CDH19: variants seen among roughly 807,000 people sequenced by gnomAD.
The protein encoded by CDH19 is cadherin-19.
A neutral mutation model predicts 64.2 loss-of-function variants in CDH19; 67 were observed. The observed-to-expected ratio is 1.04, with a 90% CI of 0.86 to 1.28. CDH19 has a LOEUF of 1.28. CDH19 is among the 50% of genes most tolerant of loss of function. The probability of loss-of-function intolerance (pLI) is 0.00; values close to 1 mark genes in which losing one functional copy is unlikely to be tolerated. For synonymous variants in CDH19, 346 were observed against 319.3 expected, an observed-to-expected ratio of 1.08 and a Z score of -0.89; for missense variants, 1,030 against 929.0, an observed-to-expected ratio of 1.11 and a Z score of -1.41.
chr18:66,529,843 A>G lies in CDH19; in HGVS notation c.1458+2T>C, dbSNP rs766808636. On this transcript the variant is annotated splice_donor_variant, in intron 9 of 11. Transcript: ENST00000262150. LOFTEE classifies it high-confidence loss of function. ...ACTTTGTAATTTATAATGAGTCCTTACCTGACCAGAGCCTGCATTTTCACA... is the reference window on the plus strand; with the variant it reads ...ACTTTGTAATTTATAATGAGTCCTTGCCTGACCAGAGCCTGCATTTTCACA... 6 of 1,586,526 alleles carry G rather than the reference A, an allele frequency of 3.8e-6. No homozygotes were observed. Among genetic ancestry groups the G allele is most frequent in the Middle Eastern group, 1.7e-4 (1 of 6,000 alleles).
chr18:66,565,095 A>G (rs1987861176), intron 3 of CDH19, among the ~76,000 whole-genome samples: 1 of 151,730 alleles, frequency 6.6e-6, no homozygotes, highest in Non-Finnish European at 1.5e-5. Flanking sequence ...ATCCTTCCAA[A>G]TCTCAGTCAC....
chr18:66,553,077 G>A (rs1444506375), intron 4 of CDH19, among the ~76,000 whole-genome samples: 1 of 134,172 alleles, frequency 7.5e-6, no homozygotes, highest in Admixed American at 7.2e-5. Context: ...AACCTGACTT[G>A]TTTTCTCCCA....
rs185354914 is a variant in CDH19 at position 66,564,015 on chromosome 18, T to C, written c.490+4401A>G. Among the ~76,000 whole-genome samples the C allele has an allele frequency of 3.8e-4, 57 of 151,990 alleles. 1 individual carries two copies. The highest frequency in any genetic ancestry group is 3.4e-3 in the Middle Eastern group (1 of 294). ...CAGTCTCAGTCATGTTCAACTCATG[T>C]TCCCAAAGGCAAGAGATTTATAGAA... is the stretch of plus-strand genomic sequence containing the variant. On this transcript the variant is annotated intron_variant, in intron 3 of 11. Coordinates refer to ENST00000262150, the MANE Select transcript of CDH19 (RefSeq NM_021153.4).
intron 7 of CDH19, among the ~76,000 whole-genome samples, chr18:66,542,514 G>A (rs1986927528): frequency 6.6e-6 from 1 of 152,068 alleles, no homozygotes; most frequent in Non-Finnish European, 1.5e-5. Flanking sequence ...TAAAACAAAA[G>A]CAAAATAAAT....
chr18:66,521,482 TC>T (rs1985979159), intron 9 of CDH19, among the ~76,000 whole-genome samples: 1 of 151,668 alleles, frequency 6.6e-6, no homozygotes, highest in Non-Finnish European at 1.5e-5. Context: ...CAAATAATTA[TC>T]TTCTCACTTA....
chr18:66,555,840 A>G (rs1987497659), intron 3 of CDH19, among the ~76,000 whole-genome samples: 1 of 151,720 alleles, frequency 6.6e-6, no homozygotes, highest in Admixed American at 6.6e-5. Flanking sequence ...TACTTATCCC[A>G]CATTTCCTCA....
In CDH19 at chr18:66,572,196, A is replaced by G; in HGVS notation, c.9T>C (p.Cys3=). 6.2e-7 allele frequency: 1 copy of G among 1,609,892 alleles called. No homozygotes were observed. The highest frequency in any genetic ancestry group is 8.5e-7 in the Non-Finnish European group (1 of 1,177,230). Residue 3 remains cysteine (C), a synonymous_variant, in exon 2 of 12, where the codon TGT becomes TGC. Coordinates refer to ENST00000262150, the MANE Select transcript of CDH19 (RefSeq NM_021153.4). The part of the protein sequence containing the change: MN[C]YLLLRFMLGI... ...CCAACATAAAACGCAGCAGTAAATAACAGTTCATTGCGTTGACTCTTTTGA... is the reference window on the plus strand; with the variant it reads ...CCAACATAAAACGCAGCAGTAAATAGCAGTTCATTGCGTTGACTCTTTTGA...
chr18:66,532,324 A>C (rs940432136), intron 8 of CDH19: 12 of 153,858 alleles, frequency 7.8e-5, no homozygotes, highest in African/African-American at 2.9e-4. Context: ...ATTAAAGGGT[A>C]TAGGAGTGGG....
Position 66,518,578 on chromosome 18 carries a change from T to C in CDH19, c.1459-6893A>G, listed in dbSNP as rs550972722. On this transcript the variant is annotated intron_variant, in intron 9 of 11. Transcript: ENST00000262150. ...GGGTTTCTTAGCATCAAATGAAAAG[T>C]TCGTGTATATAATTTTTATGTGTAT... Among the ~76,000 whole-genome samples, 4 of 152,286 alleles carry C rather than the reference T, an allele frequency of 2.6e-5. No individual in the cohort carries two copies. The South Asian group carries it at 6.2e-4, about 24-fold the overall frequency.
intron 1 of CDH19, among the ~76,000 whole-genome samples, chr18:66,590,095 T>C (rs1464463397): frequency 6.6e-6 from 1 of 151,956 alleles, no homozygotes; most frequent in African/African-American, 2.4e-5. Flanking sequence ...TTCAGGGAAA[T>C]TGTTTCTACA....
chr18:66,534,651 G>A (rs950018747), intron 8 of CDH19, among the ~76,000 whole-genome samples: 17 of 151,784 alleles, frequency 1.1e-4, no homozygotes, highest in African/African-American at 4.1e-4. Flanking sequence ...ATATCCAAGT[G>A]GTAAATCAGA....
chr18:66,551,745 ATG>A (rs562237435), intron 4 of CDH19, among the ~76,000 whole-genome samples: 97 of 152,086 alleles, frequency 6.4e-4, no homozygotes, highest in African/African-American at 1.9e-3. Context: ...CAGTTATTTT[ATG>A]TGTGTGTGTA....
intron 9 of CDH19, among the ~76,000 whole-genome samples, chr18:66,519,406 T>C (rs1041645514): frequency 1.3e-5 from 2 of 152,206 alleles, no homozygotes; most frequent in African/African-American, 4.8e-5. Flanking sequence ...ATTATTATTT[T>C]TGAAATGAGG....
chr18:66,597,162 TAAA>T (rs71169160), intron 1 of CDH19, among the ~76,000 whole-genome samples: 3 of 86,288 alleles, frequency 3.5e-5, no homozygotes, highest in Non-Finnish European at 5.0e-5. Flanking sequence ...AATCTTAAGT[TAAA>T]AAAAAAAAAA....
chr18:66,512,597 C>T (rs932481970), intron 9 of CDH19, among the ~76,000 whole-genome samples: 4 of 151,416 alleles, frequency 2.6e-5, no homozygotes, highest in South Asian at 4.2e-4. Context: ...GAAACCAATA[C>T]GATCTGTATA....
chr18:66,583,148 T>A (rs1372032190), intron 1 of CDH19, among the ~76,000 whole-genome samples: 1 of 152,064 alleles, frequency 6.6e-6, no homozygotes, highest in African/African-American at 2.4e-5. Flanking sequence ...TCTGATTTTT[T>A]AAAATTATTG....
intron 7 of CDH19, among the ~76,000 whole-genome samples, chr18:66,543,129 C>T (rs1246959134): frequency 1.3e-5 from 2 of 152,112 alleles, no homozygotes; most frequent in East Asian, 1.9e-4. Context: ...GGGTTCACGC[C>T]ATTCTCCTGC....
Position 66,572,065 on chromosome 18 carries a change from C to T in CDH19, c.140G>A (p.Trp47Ter), listed in dbSNP as rs1294725731. The change falls in exon 2 of 12, where the codon TGG (tryptophan) becomes TAG (stop). Residue 47 changes from tryptophan to a stop codon, truncating the protein, a stop_gained. Transcript: ENST00000262150. LOFTEE classifies it high-confidence loss of function. ...SHLRVKRGWV[W>*]NQFFVPEEMN... The stretch of plus-strand genomic sequence containing the variant: ...TTCCTCTGGTACAAAAAATTGGTTC[C>T]ACACCCAGCCACGCTTCACTCTCAA... 1.2e-6 allele frequency: 2 copies of T among 1,611,276 alleles called. No individual in the cohort carries two copies. Among genetic ancestry groups the T allele is most frequent in the Non-Finnish European group, 1.7e-6 (2 of 1,178,350 alleles).
chr18:66,519,774 A>C (rs1390945894), intron 9 of CDH19, among the ~76,000 whole-genome samples: 2 of 152,188 alleles, frequency 1.3e-5, no homozygotes, highest in Non-Finnish European at 2.9e-5. Context: ...ACATAAAAAG[A>C]ACAACACTTA....
Sources: allele counts gnomAD v4.1 joint callset (sites outside exome capture counted in the v4.1 genomes callset), GRCh38; gene constraint gnomAD v4.1.1; transcripts MANE v1.5; gene names NCBI Gene and HGNC (gene_info 2026-07-23, HGNC 2026-07-21).